ZBTB20: variants seen among roughly 807,000 people sequenced by gnomAD.
ZBTB20 encodes the protein zinc finger and BTB domain-containing protein 20.
Under a neutral mutation model 56.9 loss-of-function variants are expected in ZBTB20, and 9 were observed. The ratio of observed to expected loss-of-function variants is 0.16; its 90% CI spans 0.10 to 0.28. The LOEUF (loss-of-function observed/expected upper bound fraction) is 0.28, where lower values mean the gene tolerates loss of function less well. Among genes scored for constraint, ZBTB20 ranks in the 10% least tolerant of loss-of-function variants. The pLI, the probability that ZBTB20 is intolerant of heterozygous loss-of-function variation, is 1.00. For synonymous variants in ZBTB20, 417 were observed against 420.7 expected (o/e 0.99, Z 0.11); for missense variants, 655 against 1,003.0 (o/e 0.65, Z 4.69).
In ZBTB20 at chr3:114,326,839, TA is replaced by T. The variant is rs2079080367; in HGVS notation, c.*12165del. 1.3e-5 allele frequency: 2 copies of T among 152,172 alleles called. No homozygotes were observed. Among genetic ancestry groups the T allele is most frequent in the African/African-American group, 4.8e-5 (2 of 41,448 alleles). The allele number at this position is 152,172 out of a possible 1,614,324, so 9.4% of individuals were successfully genotyped here. A position where few individuals can be genotyped will look rare whatever the true frequency, so the allele number is the denominator to read the frequency against. ...TTATCCTGAAGTCCAGTGCAGAAAA[TA>T]AACTTGTTTGCTACCAGCCTCAATC... On this transcript the variant is annotated 3_prime_UTR_variant, in exon 12 of 12. Transcript: ENST00000675478.
chr3:114,400,888 C>A (rs755729990), intron 7 of ZBTB20, among the ~76,000 whole-genome samples: 1 of 151,994 alleles, frequency 6.6e-6, no homozygotes, highest in East Asian at 1.9e-4. Flanking sequence ...ATGGCTGTAC[C>A]GAGTCGGCAT....
intron 5 of ZBTB20, among the ~76,000 whole-genome samples, chr3:114,742,766 A>C (rs72954578): frequency 6.6e-6 from 1 of 152,238 alleles, no homozygotes; most frequent in South Asian, 2.1e-4. Context: ...AGCTTTTAAA[A>C]CCTACTGATA....
chr3:114,440,902 C>T (rs536876363), intron 7 of ZBTB20, among the ~76,000 whole-genome samples: 3 of 152,304 alleles, frequency 2.0e-5, no homozygotes, highest in South Asian at 2.1e-4. Context: ...CTATTCTCTA[C>T]ATTAGGGCTG....
intron 7 of ZBTB20, among the ~76,000 whole-genome samples, chr3:114,488,485 T>G (rs1359356716): frequency 6.6e-6 from 1 of 152,238 alleles, no homozygotes; most frequent in Non-Finnish European, 1.5e-5. Context: ...TACATGTATT[T>G]TTTAAAAAGT....
At chr3:114,341,526 A>G (rs184587880) in intron 11 of ZBTB20, among the ~76,000 whole-genome samples, 3 of 152,332 alleles carry the variant, frequency 2.0e-5, no homozygotes, top group Admixed American at 1.3e-4. Flanking sequence ...CTATGTTAAA[A>G]TGCTCTGCTG....
At position 114,996,746 on chromosome 3, in the gene ZBTB20, G is replaced by A. The variant is rs552999322; in HGVS notation, c.-506-22330C>T. Among the ~76,000 whole-genome samples, 4 of 151,788 alleles carry A rather than the reference G, an allele frequency of 2.6e-5. No homozygotes were observed. In the South Asian group the frequency reaches 6.2e-4, roughly 24 times the overall value. On this transcript the variant is annotated intron_variant, in intron 2 of 11. Transcript: ENST00000675478. ...TCCTTTGGGTATATACCCAGTAATG[G>A]GATTCCTAGATCATGTGGTATTTCT...
At chr3:114,881,516 G>T (rs2076395536) in intron 4 of ZBTB20, among the ~76,000 whole-genome samples, 1 of 151,788 alleles carries the variant, frequency 6.6e-6, no homozygotes, top group Non-Finnish European at 1.5e-5. Flanking sequence ...TATCTCACTA[G>T]GGGTTTGATT....
chr3:114,633,684 C>G (rs1419739405), intron 6 of ZBTB20, among the ~76,000 whole-genome samples: 1 of 152,098 alleles, frequency 6.6e-6, no homozygotes, highest in African/African-American at 2.4e-5. Flanking sequence ...CTGTCCTTTT[C>G]TACTTGCACT....
chr3:114,499,408 T>G (rs1369967095), intron 7 of ZBTB20, among the ~76,000 whole-genome samples: 1 of 152,228 alleles, frequency 6.6e-6, no homozygotes, highest in Admixed American at 6.5e-5. Context: ...GAACCTCCAT[T>G]CTGTGCAAAT....
rs1219809190 is a variant in ZBTB20, at chr3:114,316,772, A to C, written c.*22233T>G. The C allele has an allele frequency of 2.2e-5, 7 of 315,614 alleles. No individual in the cohort carries two copies. The East Asian group carries it at 7.2e-4, about 33-fold the overall frequency. 19.6% of individuals were successfully genotyped at this position (315,614 alleles called of 1,614,324 possible). Reference sequence around the variant, plus strand: ...CTGACAGTTCTCAGCCCCAAGCAAGAGAAACCTGGGTTTGGTCATGCTGGG... The same window carrying C: ...CTGACAGTTCTCAGCCCCAAGCAAGCGAAACCTGGGTTTGGTCATGCTGGG... On this transcript the variant is annotated 3_prime_UTR_variant, in exon 12 of 12. Transcript: ENST00000675478.
At chr3:114,933,825 AT>A (rs2076438876) in intron 3 of ZBTB20, among the ~76,000 whole-genome samples, 1 of 152,114 alleles carries the variant, frequency 6.6e-6, no homozygotes, top group African/African-American at 2.4e-5. Context: ...TTTTACATCT[AT>A]TTCAAAACTT....
intron 7 of ZBTB20, among the ~76,000 whole-genome samples, chr3:114,417,153 C>T (rs1282579722): frequency 6.6e-6 from 1 of 152,052 alleles, no homozygotes; most frequent in African/African-American, 2.4e-5. Flanking sequence ...TTAACGAGTT[C>T]TTGTTTCTGG....
chr3:114,433,735 A>G (rs1045353280), intron 7 of ZBTB20, among the ~76,000 whole-genome samples: 1 of 152,200 alleles, frequency 6.6e-6, no homozygotes, highest in Non-Finnish European at 1.5e-5. Context: ...ATGCTCTAGT[A>G]TAAGACAGTA....
chr3:114,445,263 GA>G (rs1427484171), intron 7 of ZBTB20, among the ~76,000 whole-genome samples: 7 of 152,112 alleles, frequency 4.6e-5, no homozygotes, highest in Non-Finnish European at 1.0e-4. Flanking sequence ...TAACCTATAG[GA>G]AAAAGTACTG....
intron 7 of ZBTB20, among the ~76,000 whole-genome samples, chr3:114,459,056 G>A (rs1390663258): frequency 2.0e-5 from 3 of 152,120 alleles, no homozygotes; most frequent in African/African-American, 7.2e-5. Context: ...AGAATAAAGG[G>A]TTAATTTATT....
chr3:114,808,295 A>G (rs1263435226), intron 4 of ZBTB20, among the ~76,000 whole-genome samples: 1 of 152,050 alleles, frequency 6.6e-6, no homozygotes, highest in Non-Finnish European at 1.5e-5. Context: ...AGGTCAACCA[A>G]TGATCAGTCA....
chr3:114,986,659 C>A (rs561469417), intron 2 of ZBTB20, among the ~76,000 whole-genome samples: 1 of 152,182 alleles, frequency 6.6e-6, no homozygotes, highest in East Asian at 1.9e-4. Context: ...ATACCTTTAT[C>A]CAAAGTATAA....
chr3:114,585,936 G>A (rs561533037), intron 6 of ZBTB20, among the ~76,000 whole-genome samples: 1 of 152,328 alleles, frequency 6.6e-6, no homozygotes, highest in South Asian at 2.1e-4. Flanking sequence ...AGGCTTAGCA[G>A]AGCCAAAACG....
chr3:114,598,733 T>C (rs1560016052), intron 6 of ZBTB20, among the ~76,000 whole-genome samples: 1 of 152,084 alleles, frequency 6.6e-6, no homozygotes, highest in Non-Finnish European at 1.5e-5. Context: ...ACTGGAAAAT[T>C]TAATATATCA....
Sources: gnomAD v4.1 joint callset for allele counts (sites outside exome capture counted in the v4.1 genomes callset) on GRCh38, gnomAD v4.1.1 for gene constraint, MANE v1.5 for transcripts, NCBI Gene and HGNC (gene_info 2026-07-23, HGNC 2026-07-21) for gene names.